SMG7: variants seen among roughly 807,000 people sequenced by gnomAD.
The protein encoded by SMG7 is nonsense-mediated mRNA decay factor SMG7.
In SMG7, 34 loss-of-function variants were observed where a neutral mutation model predicts 148.2. That is an observed-to-expected ratio of 0.23 (90% confidence interval 0.17 to 0.31). The LOEUF (loss-of-function observed/expected upper bound fraction) is 0.31. Ranked by LOEUF, SMG7 falls within the 10% of genes least tolerant of loss-of-function variation. The pLI is 1.00. For synonymous variants in SMG7, 492 were observed against 515.1 expected, an observed-to-expected ratio of 0.96 and a Z score of 0.61; for missense variants, 1,114 against 1,408.4, an observed-to-expected ratio of 0.79 and a Z score of 3.35.
At chr1:183,495,567 T>C (rs1352241003) in intron 1 of SMG7, among the ~76,000 whole-genome samples, 2 of 152,116 alleles carry the variant, frequency 1.3e-5, no homozygotes, top group East Asian at 1.9e-4. Context: ...GTGTGTCTTA[T>C]GCTGTTCAAA....
intron 4 of SMG7, among the ~76,000 whole-genome samples, chr1:183,525,823 A>G (rs183505917): frequency 6.6e-6 from 1 of 152,326 alleles, no homozygotes; most frequent in Non-Finnish European, 1.5e-5. Context: ...TTCGTTGTAT[A>G]TGCAAAGACA....
In SMG7 at chr1:183,533,166, G is replaced by A. The variant is rs1388877889; in HGVS notation, c.846G>A (p.Arg282=). The A allele has an allele frequency of 6.2e-7, 1 of 1,612,970 alleles. No homozygotes were observed. Among genetic ancestry groups the A allele is most frequent in the Admixed American group, 1.7e-5 (1 of 59,936 alleles). The stretch of plus-strand genomic sequence containing the variant: ...AGTACGTCTGTCTTCTTTTACAGAG[G>A]CTGCTATTCCAAAAAGCTTTCAACT... The part of the protein sequence containing the change: ...LREKLEEQFK[R]LLFQKAFNSQ... The change falls in exon 9 of 23, where the codon AGG becomes AGA. Residue 282 remains arginine (R), a splice_region_variant and synonymous_variant. Coordinates refer to ENST00000688051, the MANE Select transcript of SMG7 (RefSeq NM_001375584.1).
chr1:183,474,553 A>G (rs986000755), intron 1 of SMG7, among the ~76,000 whole-genome samples: 2 of 152,244 alleles, frequency 1.3e-5, no homozygotes, highest in Non-Finnish European at 1.5e-5. Context: ...AACAAGAGTG[A>G]AACTTCGTCT....
intron 1 of SMG7, among the ~76,000 whole-genome samples, chr1:183,484,952 G>T (rs1163045829): frequency 6.6e-6 from 1 of 152,080 alleles, no homozygotes. Context: ...ATTGAGGCTT[G>T]TATAGACTAG....
chr1:183,542,188 T>C lies in SMG7; in HGVS notation c.1528T>C (p.Ser510Pro), dbSNP rs1364343796. Residue 510 changes from serine to proline, a missense_variant, in exon 14 of 23, where the codon TCT becomes CCT. Physicochemically the swap from Ser to Pro is moderately conservative, Grantham distance 74. Transcript: ENST00000688051. ...AGAGAACCTCATTCTGCAAGAAACA[T>C]CTGTGATAGAGTCGCTGGCTGCAGA... ...AKENLILQET[S>P]VIESLAADGS... The C allele has an allele frequency of 6.2e-7, 1 of 1,614,124 alleles. No homozygotes were observed. Among genetic ancestry groups the C allele is most frequent in the East Asian group, 2.2e-5 (1 of 44,876 alleles).
chr1:183,542,925 A>ATGTG (rs761811792), intron 14 of SMG7, among the ~76,000 whole-genome samples: 3,165 of 141,298 alleles, frequency 0.022, 45 homozygotes, highest in Admixed American at 0.042. Flanking sequence ...TAATATATAT[A>ATGTG]TATGTGTGTG....
At chr1:183,486,842 C>T (rs561882844) in intron 1 of SMG7, among the ~76,000 whole-genome samples, 3 of 152,298 alleles carry the variant, frequency 2.0e-5, no homozygotes, top group East Asian at 3.9e-4. Context: ...GGACTACAGG[C>T]GCACGCCACC....
At chr1:183,502,440 A>G in intron 1 of SMG7, 1 of 1,434,832 alleles carries the variant, frequency 7.0e-7, no homozygotes, top group Non-Finnish European at 9.4e-7. Flanking sequence ...TTCCTTTTGG[A>G]GATGTGTATT....
chr1:183,537,653 A>T (rs921096116), intron 11 of SMG7, among the ~76,000 whole-genome samples: 2 of 152,224 alleles, frequency 1.3e-5, no homozygotes, highest in Non-Finnish European at 2.9e-5. Flanking sequence ...GTGTGTACAC[A>T]CACACAGGAA....
rs751602759 is a variant in SMG7, at chr1:183,544,351, A to G, written c.1843-2A>G. On this transcript the variant is annotated splice_acceptor_variant, in intron 14 of 22. Transcript: ENST00000688051. LOFTEE classifies it high-confidence loss of function. ...AGATAGTTTTGCTTCTATTGGTTAC[A>G]GGTAAAATCCCAGACAGAACTAAGA... is the stretch of plus-strand genomic sequence containing the variant. 1.2e-6 allele frequency: 2 copies of G among 1,613,368 alleles called. No homozygotes were observed. The highest frequency in any genetic ancestry group is 1.7e-6 in the Non-Finnish European group (2 of 1,179,406).
In SMG7 at chr1:183,542,497, G is replaced by C. The variant is rs747569097; in HGVS notation, c.1837G>C (p.Val613Leu). ...LQETGKQNVA[V>L]QVKSQTELRK... Reference sequence around the variant, plus strand: ...GGAAACAGGAAAGCAGAATGTGGCAGTGCAGGTAAGCTGTATTTGAACTAT... The same window carrying C: ...GGAAACAGGAAAGCAGAATGTGGCACTGCAGGTAAGCTGTATTTGAACTAT... The change falls in exon 14 of 23, where the codon GTG (valine) becomes CTG (leucine). Residue 613 changes from valine (V) to leucine (L), a missense_variant. Physicochemically the swap from Val to Leu is conservative, Grantham distance 32. Coordinates refer to ENST00000688051, the MANE Select transcript of SMG7 (RefSeq NM_001375584.1). The C allele has an allele frequency of 6.2e-7, 1 of 1,611,618 alleles. No homozygotes were observed. The highest frequency in any genetic ancestry group is 1.7e-5 in the Admixed American group (1 of 59,610).
chr1:183,481,265 C>G (rs879891435), intron 1 of SMG7, among the ~76,000 whole-genome samples: 6 of 152,172 alleles, frequency 3.9e-5, no homozygotes, highest in Non-Finnish European at 7.3e-5. Flanking sequence ...GCTTAAATCT[C>G]TCTTCCCATG....
At chr1:183,502,116 A>G (rs1250267766) in intron 1 of SMG7, 4 of 558,530 alleles carry the variant, frequency 7.2e-6, no homozygotes, top group African/African-American at 5.7e-5. Flanking sequence ...AACATTAAAC[A>G]AAAAAAGAAA....
Position 183,526,603 on chromosome 1 carries a change from A to G in SMG7, c.320A>G (p.Gln107Arg). 1.3e-6 allele frequency: 2 copies of G among 1,598,410 alleles called. No homozygotes were observed. The highest frequency in any genetic ancestry group is 1.7e-6 in the Non-Finnish European group (2 of 1,173,810). ...AASGFYTQLL[Q>R]ELCTVFNVDL... ...TGTTTGTTTTTCTTTTAGTTATTAC[A>G]AGAACTGTGTACAGTATTTAATGTA... Residue 107 changes from glutamine (Q) to arginine (R), a missense_variant, in exon 5 of 23, where the codon CAA becomes CGA. Coordinates refer to ENST00000688051, the MANE Select transcript of SMG7 (RefSeq NM_001375584.1).
chr1:183,472,688 G>A, intron 1 of SMG7, 39 bp downstream of exon 1: 1 of 1,453,110 alleles, frequency 6.9e-7, no homozygotes, highest in Non-Finnish European at 9.1e-7. Context: ...GGGGGAGCGG[G>A]CCGCAGGTTG....
chr1:183,493,184 A>G (rs1270988340), intron 1 of SMG7, among the ~76,000 whole-genome samples: 1 of 152,156 alleles, frequency 6.6e-6, no homozygotes, highest in Non-Finnish European at 1.5e-5. Context: ...TGTATTGCCC[A>G]GGTTGGTCTC....
chr1:183,485,876 T>G (rs1655299455), intron 1 of SMG7, among the ~76,000 whole-genome samples: 1 of 152,238 alleles, frequency 6.6e-6, no homozygotes, highest in Non-Finnish European at 1.5e-5. Flanking sequence ...AGCTATACTT[T>G]ATATGTGACC....
At position 183,544,388 on chromosome 1, in the gene SMG7, G is replaced by A; in HGVS notation, c.1878G>A (p.Val626=). 6.2e-7 allele frequency: 1 copy of A among 1,613,880 alleles called. No homozygotes were observed. The part of the protein sequence containing the change: ...KSQTELRKTP[V]SEARKTPVTQ... Reference sequence around the variant, plus strand: ...AGACAGAACTAAGAAAGACTCCAGTGTCTGAAGCCAGAAAAACACCTGTAA... The same window carrying A: ...AGACAGAACTAAGAAAGACTCCAGTATCTGAAGCCAGAAAAACACCTGTAA... Residue 626 remains valine (V), a synonymous_variant, in exon 15 of 23, where the codon GTG becomes GTA. Coordinates refer to ENST00000688051, the MANE Select transcript of SMG7 (RefSeq NM_001375584.1).
At chr1:183,511,372 T>A (rs1662121354) in intron 1 of SMG7, among the ~76,000 whole-genome samples, 1 of 151,964 alleles carries the variant, frequency 6.6e-6, no homozygotes, top group South Asian at 2.1e-4. Flanking sequence ...CTAGATGGAG[T>A]TCAGGTGGGG....
Sources: allele counts gnomAD v4.1 joint callset (sites outside exome capture counted in the v4.1 genomes callset), GRCh38; gene constraint gnomAD v4.1.1; transcripts MANE v1.5; gene names NCBI Gene and HGNC (gene_info 2026-07-23, HGNC 2026-07-21).